The following RTN1 variants were observed in gnomAD, a reference collection of about 807,000 sequenced individuals.
RTN1 encodes reticulon 1.
A neutral mutation model predicts 65.5 loss-of-function variants in RTN1; 25 were observed. The ratio of observed to expected loss-of-function variants is 0.38; its 90% CI spans 0.28 to 0.53. RTN1 has a LOEUF of 0.53. RTN1 is among the 20% of genes least tolerant of loss of function. RTN1 has a pLI of 0.79. For synonymous variants in RTN1, 471 were observed against 447.6 expected, an observed-to-expected ratio of 1.05 and a Z score of -0.66; for missense variants, 983 against 1,025.4, an observed-to-expected ratio of 0.96 and a Z score of 0.57.
Position 59,766,045 on chromosome 14 carries a change from T to A in RTN1, c.242-19564A>T, listed in dbSNP as rs893527775. Among the ~76,000 whole-genome samples, 25 of 152,178 alleles carry A rather than the reference T, an allele frequency of 1.6e-4. No homozygotes were observed. The highest frequency in any genetic ancestry group is 3.3e-4 in the Admixed American group (5 of 15,288). ...AGGGGTTCAAGATCAGCCTGGCCAATATGGTGAAACCCAGTCTCTACTAAA... is the reference window on the plus strand; with the variant it reads ...AGGGGTTCAAGATCAGCCTGGCCAAAATGGTGAAACCCAGTCTCTACTAAA... On this transcript the variant is annotated intron_variant, in intron 1 of 8. Transcript: ENST00000267484. The surrounding 1 kb of genome is among the most constrained non-coding windows in gnomAD (Gnocchi z 4.4).
Position 59,749,117 on chromosome 14 carries a change from T to G in RTN1, c.242-2636A>C, listed in dbSNP as rs1354353422. Among the ~76,000 whole-genome samples, 25 of 46,700 alleles carry G rather than the reference T, an allele frequency of 5.4e-4. 1 individual carries two copies. Among genetic ancestry groups the G allele is most frequent in the African/African-American group, 1.7e-3 (10 of 5,786 alleles). The allele number at this position is 46,700 out of a possible 152,430, so 30.6% of individuals were successfully genotyped here. A position where few individuals can be genotyped will look rare whatever the true frequency, so the allele number is the denominator to read the frequency against. ...ATATATATATCTATATATATATATA[T>G]ATATATAGATATATCTATATCTATC... On this transcript the variant is annotated intron_variant, in intron 1 of 8. Coordinates refer to ENST00000267484, the MANE Select transcript of RTN1 (RefSeq NM_021136.3).
chr14:59,780,297 A>G (rs1171438283), intron 1 of RTN1, among the ~76,000 whole-genome samples: 2 of 152,322 alleles, frequency 1.3e-5, no homozygotes, highest in African/African-American at 4.8e-5. Context: ...CAATGCTTAT[A>G]CTGAAACCTA....
chr14:59,786,217 T>A (rs1886247088), intron 1 of RTN1, among the ~76,000 whole-genome samples: 5 of 152,200 alleles, frequency 3.3e-5, no homozygotes, highest in Middle Eastern at 6.8e-3. Flanking sequence ...CAAACAGAAG[T>A]CCATGGAAAC....
At chr14:59,661,962 TC>T (rs749271054) in intron 3 of RTN1, among the ~76,000 whole-genome samples, 1 of 152,110 alleles carries the variant, frequency 6.6e-6, no homozygotes, top group East Asian at 1.9e-4. Context: ...AGTCAAATTG[TC>T]CCTGTTTGCA....
At chr14:59,632,261 A>G (rs1217075099) in intron 3 of RTN1, among the ~76,000 whole-genome samples, 1 of 152,150 alleles carries the variant, frequency 6.6e-6, no homozygotes, top group Non-Finnish European at 1.5e-5. Context: ...ACTTTTCACA[A>G]TGACCTACTC....
At chr14:59,776,752 G>C (rs11845917) in intron 1 of RTN1, among the ~76,000 whole-genome samples, 3,736 of 152,132 alleles carry the variant, frequency 0.025, 147 homozygotes, top group African/African-American at 0.085. Flanking sequence ...AGGAGGCTCT[G>C]CTGGGGACCA....
At chr14:59,857,371 T>C (rs1334134389) in intron 1 of RTN1, among the ~76,000 whole-genome samples, 1 of 152,186 alleles carries the variant, frequency 6.6e-6, no homozygotes, top group Non-Finnish European at 1.5e-5. Flanking sequence ...GAAATTTCCA[T>C]TCAAATGGCT....
chr14:59,781,248 A>G (rs969311790), intron 1 of RTN1, among the ~76,000 whole-genome samples: 71 of 152,114 alleles, frequency 4.7e-4, no homozygotes, highest in Middle Eastern at 6.8e-3. Flanking sequence ...TGAACAAAAA[A>G]CAGAGCAACA....
rs1476214852 is a variant in RTN1, at chr14:59,870,385, CT to C, written c.241+4del. On this transcript the variant is annotated splice_donor_region_variant and intron_variant, in intron 1 of 8. Coordinates refer to ENST00000267484, the MANE Select transcript of RTN1 (RefSeq NM_021136.3). The surrounding 1 kb of genome is among the most constrained non-coding windows in gnomAD (Gnocchi z 5.1). ...CCATTTGAGGGGCAGCGGCGCCCGC[CT>C]TACCTGTGGATGCAGTTTCCATGGC... 6.6e-7 allele frequency: 1 copy of C among 1,516,772 alleles called. No homozygotes were observed. Among genetic ancestry groups the C allele is most frequent in the Admixed American group, 2.1e-5 (1 of 47,504 alleles). The allele number at this position is 1,516,772 out of a possible 1,614,324, so 94.0% of individuals were successfully genotyped here.
At chr14:59,604,755 C>G (rs1881689304) in intron 5 of RTN1, 1 of 152,236 alleles carries the variant, frequency 6.6e-6, no homozygotes, top group Admixed American at 6.5e-5. Flanking sequence ...TGCTTATGAC[C>G]ATGCCGAATC....
chr14:59,608,215 G>A (rs1449367512), intron 3 of RTN1, among the ~76,000 whole-genome samples: 1 of 152,142 alleles, frequency 6.6e-6, no homozygotes, highest in African/African-American at 2.4e-5. Flanking sequence ...CTCCAACTGG[G>A]TATGTGACAA....
intron 1 of RTN1, among the ~76,000 whole-genome samples, chr14:59,749,274 ATATC>A (rs1210931591): frequency 2.2e-5 from 1 of 44,730 alleles, no homozygotes; most frequent in Non-Finnish European, 3.5e-5. Context: ...ATCTATATAT[ATATC>A]TATATATATC....
At chr14:59,711,593 G>C (rs1468787665) in intron 3 of RTN1, among the ~76,000 whole-genome samples, 1 of 152,176 alleles carries the variant, frequency 6.6e-6, no homozygotes, top group Non-Finnish European at 1.5e-5. Flanking sequence ...TGTGTATGGA[G>C]TTGCCATTCA....
intron 1 of RTN1, among the ~76,000 whole-genome samples, chr14:59,768,212 C>G (rs942667477): frequency 6.6e-6 from 1 of 152,142 alleles, no homozygotes; most frequent in African/African-American, 2.4e-5. Flanking sequence ...AGCACAGTAC[C>G]TAGCACTTAA....
chr14:59,702,652 A>G (rs1475249036), intron 3 of RTN1, among the ~76,000 whole-genome samples: 3 of 152,090 alleles, frequency 2.0e-5, no homozygotes, highest in South Asian at 4.1e-4. Flanking sequence ...TACTGCCACT[A>G]CTACAACCCT....
chr14:59,850,463 A>G (rs1431641228), intron 1 of RTN1, among the ~76,000 whole-genome samples: 1 of 152,252 alleles, frequency 6.6e-6, no homozygotes, highest in East Asian at 1.9e-4. Flanking sequence ...TACAGGTTCT[A>G]CTGAATGCAT....
At chr14:59,749,250 ATATATCTATATATATC>A (rs1566711267) in intron 1 of RTN1, among the ~76,000 whole-genome samples, 485 of 30,544 alleles carry the variant, frequency 0.016, 134 homozygotes, top group African/African-American at 0.099. Flanking sequence ...ATATATATCT[ATATATCTATATATATC>A]TATATATATA....
intron 1 of RTN1, among the ~76,000 whole-genome samples, chr14:59,788,555 C>T (rs1363701153): frequency 1.3e-5 from 2 of 152,036 alleles, no homozygotes; most frequent in South Asian, 2.1e-4. Context: ...ATTTAGTTCT[C>T]GATTTTGAAG....
intron 3 of RTN1, among the ~76,000 whole-genome samples, chr14:59,669,876 C>G (rs1468595420): frequency 1.3e-5 from 2 of 152,166 alleles, no homozygotes; most frequent in Non-Finnish European, 2.9e-5. Flanking sequence ...ACTGTTGTAC[C>G]TCTTCCCTGG....
Sources: allele counts gnomAD v4.1 joint callset (sites outside exome capture counted in the v4.1 genomes callset), GRCh38; gene constraint gnomAD v4.1.1; non-coding constraint Gnocchi (gnomAD v3.1); transcripts MANE v1.5; gene names NCBI Gene and HGNC (gene_info 2026-07-23, HGNC 2026-07-21).